Variants in RAB27A observed in about 807,000 individuals in gnomAD.
RAB27A encodes the protein RAB27A, member RAS oncogene family.
Under a neutral mutation model 20.8 loss-of-function variants are expected in RAB27A, and 17 were observed. The observed-to-expected ratio is 0.82, with a 90% CI of 0.56 to 1.23. The LOEUF (loss-of-function observed/expected upper bound fraction) is 1.23, where lower values mean the gene tolerates loss of function less well. Among genes scored for constraint, RAB27A ranks in the 50% most tolerant of loss-of-function variants. RAB27A has a pLI of 0.00. For missense variants in RAB27A, 277 were observed against 266.7 expected, an observed-to-expected ratio of 1.04 and a Z score of -0.27; for synonymous variants, 85 against 92.8, an observed-to-expected ratio of 0.92 and a Z score of 0.48.
chr15:55,302,378 C>G (rs993202599), intron 2 of RAB27A, among the ~76,000 whole-genome samples: 2 of 151,970 alleles, frequency 1.3e-5, no homozygotes, highest in African/African-American at 4.8e-5. Context: ...ACTCAGTGCT[C>G]AATGGTGCCC....
At chr15:55,285,851 C>T (rs1256775217) in intron 1 of RAB27A, among the ~76,000 whole-genome samples, 1 of 152,234 alleles carries the variant, frequency 6.6e-6, no homozygotes, top group African/African-American at 2.4e-5. Context: ...GAGGCCAACA[C>T]CCTGGAGATA....
At chr15:55,307,269 C>T (rs1428620650) in intron 2 of RAB27A, among the ~76,000 whole-genome samples, 1 of 151,854 alleles carries the variant, frequency 6.6e-6, no homozygotes. Context: ...TTGGCCATCT[C>T]TTGGTCAAGC....
intron 1 of RAB27A, among the ~76,000 whole-genome samples, chr15:55,274,829 T>TAGAGAG (rs1555399479): frequency 1.6e-4 from 22 of 139,006 alleles, no homozygotes; most frequent in African/African-American, 5.7e-4. Context: ...TATATATGTA[T>TAGAGAG]AGAGAGAGAC....
chr15:55,318,424 G>A (rs1416548307), intron 1 of RAB27A, among the ~76,000 whole-genome samples: 1 of 145,670 alleles, frequency 6.9e-6, no homozygotes, highest in Non-Finnish European at 1.5e-5. Context: ...AGAGGAGTGG[G>A]CCGCACGCGG....
intron 2 of RAB27A, among the ~76,000 whole-genome samples, chr15:55,242,350 G>C (rs1216802775): frequency 1.3e-5 from 2 of 152,150 alleles, no homozygotes; most frequent in South Asian, 2.1e-4. Flanking sequence ...ATAGGCTTGA[G>C]TTCAAATTCT....
intron 1 of RAB27A, among the ~76,000 whole-genome samples, chr15:55,281,923 C>T (rs1206372911): frequency 6.6e-6 from 1 of 152,132 alleles, no homozygotes; most frequent in Non-Finnish European, 1.5e-5. Flanking sequence ...TCATGCTCCT[C>T]AAGAGTGTGA....
chr15:55,245,207 T>C (rs1384737475), intron 2 of RAB27A, among the ~76,000 whole-genome samples: 1 of 152,190 alleles, frequency 6.6e-6, no homozygotes, highest in Non-Finnish European at 1.5e-5. Flanking sequence ...TACTGCCCAA[T>C]AGCAGGAACC....
At chr15:55,215,969 G>C (rs200367316) in intron 6 of RAB27A, among the ~76,000 whole-genome samples, 4 of 97,454 alleles carry the variant, frequency 4.1e-5, no homozygotes, top group Admixed American at 2.1e-4. Context: ...AAAAAAAAAA[G>C]AAGTCATAAC....
At chr15:55,293,056 C>G (rs1275805517), upstream of RAB27A, among the ~76,000 whole-genome samples, 1 of 152,114 alleles carries the variant, frequency 6.6e-6, no homozygotes, top group Non-Finnish European at 1.5e-5. Flanking sequence ...TTACTGCAGC[C>G]ACAGAATCGA....
rs1283056281 is a variant in RAB27A, at chr15:55,203,508, A to C, written c.*1999T>G. The C allele has an allele frequency of 7.1e-6, 1 of 140,166 alleles. No individual in the cohort carries two copies. The highest frequency in any genetic ancestry group is 1.5e-5 in the Non-Finnish European group (1 of 66,096). The allele number at this position is 140,166 out of a possible 1,614,324, so 8.7% of individuals were successfully genotyped here. A position where few individuals can be genotyped will look rare whatever the true frequency, so the allele number is the denominator to read the frequency against. ...CGGCTCACTGCAAGCTCCGCCTCCC[A>C]GGTTCACGCCATTCTCCTGCCTCAG... On this transcript the variant is annotated 3_prime_UTR_variant, in exon 7 of 7. Transcript: ENST00000336787.
At chr15:55,239,506 A>G (rs1158208398) in intron 2 of RAB27A, among the ~76,000 whole-genome samples, 2 of 152,164 alleles carry the variant, frequency 1.3e-5, no homozygotes, top group East Asian at 3.9e-4. Context: ...AACAGCATGT[A>G]TGTGTTCGAG....
chr15:55,311,911 T>C (rs1445551084), intron 2 of RAB27A, among the ~76,000 whole-genome samples: 2 of 152,160 alleles, frequency 1.3e-5, no homozygotes, highest in South Asian at 2.1e-4. Context: ...GAGCTCCCGA[T>C]AGTGGCAGGC....
At position 55,257,167 on chromosome 15, in the gene RAB27A, C is replaced by T. The variant is rs1319714922; in HGVS notation, c.-23+12998G>A. On this transcript the variant is annotated intron_variant, in intron 2 of 6. Transcript: ENST00000336787. ...GGGGAAGGGAAAGAGTTGGAATGGGCATAAGGTGTTTGTGGGTGGTATCAG... is the reference window on the plus strand; with the variant it reads ...GGGGAAGGGAAAGAGTTGGAATGGGTATAAGGTGTTTGTGGGTGGTATCAG... Among the ~76,000 whole-genome samples the T allele has an allele frequency of 3.3e-5, 5 of 151,906 alleles. 1 individual carries two copies. The South Asian group carries it at 6.3e-4, about 19-fold the overall frequency.
intron 2 of RAB27A, among the ~76,000 whole-genome samples, chr15:55,309,545 T>C (rs1595757286): frequency 6.6e-6 from 1 of 152,200 alleles, no homozygotes; most frequent in Non-Finnish European, 1.5e-5. Flanking sequence ...ATGGGAGCTA[T>C]CCCTGAACCC....
At chr15:55,211,956 AC>A (rs1472697600) in intron 6 of RAB27A, among the ~76,000 whole-genome samples, 1 of 134,300 alleles carries the variant, frequency 7.4e-6, no homozygotes, top group Non-Finnish European at 1.5e-5. Context: ...CTGGACTATA[AC>A]CTTTTTTTTT....
intron 2 of RAB27A, among the ~76,000 whole-genome samples, chr15:55,258,588 T>C (rs910038709): frequency 6.6e-6 from 1 of 152,206 alleles, no homozygotes; most frequent in Non-Finnish European, 1.5e-5. Flanking sequence ...TATGCACACA[T>C]GTTCAGTAAT....
chr15:55,205,385 A>C lies in RAB27A; in HGVS notation c.*122T>G. 1.0e-6 allele frequency: 1 copy of C among 989,276 alleles called. No homozygotes were observed. Among genetic ancestry groups the C allele is most frequent in the Non-Finnish European group, 1.6e-6 (1 of 614,738 alleles). The allele number at this position is 989,276 out of a possible 1,614,324, so 61.3% of individuals were successfully genotyped here. ...ACCGGATGCTTTATTCGTAGGTCTAATGGGGATGGTGAGAAGCAATTTGTA... is the reference window on the plus strand; with the variant it reads ...ACCGGATGCTTTATTCGTAGGTCTACTGGGGATGGTGAGAAGCAATTTGTA... On this transcript the variant is annotated 3_prime_UTR_variant, in exon 7 of 7. Transcript: ENST00000336787.
At chr15:55,318,471 G>A (rs190216596) in intron 1 of RAB27A, among the ~76,000 whole-genome samples, 6,395 of 149,786 alleles carry the variant, frequency 0.043, 217 homozygotes, top group Middle Eastern at 0.055. Flanking sequence ...TTGGGAGGCC[G>A]AGGCGGGCGG....
intron 2 of RAB27A, among the ~76,000 whole-genome samples, chr15:55,308,652 T>G (rs2055007901): frequency 6.6e-6 from 1 of 152,240 alleles, no homozygotes; most frequent in African/African-American, 2.4e-5. Context: ...TGTTCTATCT[T>G]TTCTTCATTG....
Sources: gnomAD v4.1 joint callset for allele counts (sites outside exome capture counted in the v4.1 genomes callset) on GRCh38, gnomAD v4.1.1 for gene constraint, MANE v1.5 for transcripts, NCBI Gene and HGNC (gene_info 2026-07-23, HGNC 2026-07-21) for gene names.